Variants in PABPC4L observed in about 807,000 individuals in gnomAD.
PABPC4L encodes poly(A) binding protein cytoplasmic 4 like.
For missense variants in PABPC4L, 452 were observed against 451.4 expected, an observed-to-expected ratio of 1.00 and a Z score of -0.01; for synonymous variants, 169 against 164.1, an observed-to-expected ratio of 1.03 and a Z score of -0.23.
chr4:134,054,011 A>G, the PABPC4L span, among the ~76,000 whole-genome samples: 1 of 151,770 alleles, frequency 6.6e-6, no homozygotes, highest in East Asian at 1.9e-4. Context: ...AAAAAAATAC[A>G]CTAATTCCTT....
chr4:134,030,243 G>T, the PABPC4L span, among the ~76,000 whole-genome samples: 1 of 152,028 alleles, frequency 6.6e-6, no homozygotes, highest in East Asian at 1.9e-4. Context: ...TGGGTAACAG[G>T]CAGAGGCTGG....
At chr4:134,095,479 G>A in the PABPC4L span, among the ~76,000 whole-genome samples, 1 of 151,860 alleles carries the variant, frequency 6.6e-6, no homozygotes, top group Non-Finnish European at 1.5e-5. Context: ...ATAAATTAGT[G>A]ATATTCAGAA....
the PABPC4L span, among the ~76,000 whole-genome samples, chr4:133,959,009 C>A: frequency 7.8e-4 from 119 of 152,320 alleles, no homozygotes; most frequent in Non-Finnish European, 1.3e-3. Flanking sequence ...CTTCATCAAA[C>A]TTTGTGTAAA....
the PABPC4L span, among the ~76,000 whole-genome samples, chr4:134,020,271 C>T: frequency 5.9e-5 from 9 of 151,970 alleles, no homozygotes; most frequent in Non-Finnish European, 8.8e-5. Flanking sequence ...GGAATGGCGT[C>T]CACCCTAGGT....
At chr4:134,051,428 C>T in the PABPC4L span, among the ~76,000 whole-genome samples, 6 of 152,058 alleles carry the variant, frequency 3.9e-5, no homozygotes, top group Non-Finnish European at 5.9e-5. Flanking sequence ...GATTTTAACT[C>T]CAAGTCAGAG....
the PABPC4L span, among the ~76,000 whole-genome samples, chr4:134,066,736 G>A: frequency 6.6e-6 from 1 of 151,922 alleles, no homozygotes; most frequent in African/African-American, 2.4e-5. Context: ...TTTTTTGAAG[G>A]CTTTTAACAT....
the PABPC4L span, among the ~76,000 whole-genome samples, chr4:134,123,572 T>G: frequency 6.6e-6 from 1 of 151,978 alleles, no homozygotes; most frequent in African/African-American, 2.4e-5. Flanking sequence ...AATTTACAAA[T>G]ATTGAATCCA....
At chr4:134,108,329 T>C in the PABPC4L span, among the ~76,000 whole-genome samples, 1 of 151,872 alleles carries the variant, frequency 6.6e-6, no homozygotes, top group Non-Finnish European at 1.5e-5. Flanking sequence ...TATTGAGTCA[T>C]GTTTTAAGAA....
At chr4:134,130,794 C>G in the PABPC4L span, among the ~76,000 whole-genome samples, 120 of 152,138 alleles carry the variant, frequency 7.9e-4, no homozygotes, top group African/African-American at 2.5e-3. Context: ...CTGAATCCAA[C>G]AGCATATCAA....
chr4:134,201,811 T>C (rs1018844839), upstream of PABPC4L: 1 of 152,242 alleles, frequency 6.6e-6, no homozygotes, highest in Non-Finnish European at 1.5e-5. Flanking sequence ...TTTTTAATAT[T>C]TTTTTTAAGA....
chr4:134,054,252 GTATATATA>G, the PABPC4L span, among the ~76,000 whole-genome samples: 13,709 of 93,772 alleles, frequency 0.15, 977 homozygotes, highest in African/African-American at 0.25. Context: ...AGTTGTATAT[GTATATATA>G]TATATATATA....
chr4:134,021,116 T>C, the PABPC4L span, among the ~76,000 whole-genome samples: 1 of 152,142 alleles, frequency 6.6e-6, no homozygotes, highest in African/African-American at 2.4e-5. Context: ...AGTTTCAACA[T>C]TCTTTCCCAC....
the PABPC4L span, among the ~76,000 whole-genome samples, chr4:134,045,127 A>G: frequency 6.6e-6 from 1 of 152,210 alleles, no homozygotes; most frequent in Non-Finnish European, 1.5e-5. Flanking sequence ...TTTATACTTT[A>G]CTAACATTAT....
chr4:134,095,765 C>G, the PABPC4L span, among the ~76,000 whole-genome samples: 2 of 151,906 alleles, frequency 1.3e-5, no homozygotes, highest in Non-Finnish European at 2.9e-5. Flanking sequence ...ACTTTAGTAC[C>G]TATACACATT....
the PABPC4L span, among the ~76,000 whole-genome samples, chr4:134,156,755 A>C: frequency 7.9e-5 from 12 of 151,870 alleles, no homozygotes; most frequent in Non-Finnish European, 1.5e-4. Flanking sequence ...TTGTGTTACA[A>C]ATTGTTATCC....
chr4:133,984,028 T>C, the PABPC4L span, among the ~76,000 whole-genome samples: 4 of 151,860 alleles, frequency 2.6e-5, no homozygotes, highest in African/African-American at 9.7e-5. Flanking sequence ...CTGAAAGCTC[T>C]GATCCACTGA....
chr4:134,190,241 G>A, the PABPC4L span, among the ~76,000 whole-genome samples: 1 of 152,008 alleles, frequency 6.6e-6, no homozygotes. Flanking sequence ...TGGATATAGT[G>A]GTTTGTCCTG....
chr4:133,965,629 A>C, the PABPC4L span, among the ~76,000 whole-genome samples: 1 of 152,170 alleles, frequency 6.6e-6, no homozygotes, highest in Admixed American at 6.5e-5. Context: ...ACATAGACCA[A>C]TGGAACAGAA....
the PABPC4L span, among the ~76,000 whole-genome samples, chr4:134,040,184 T>C: frequency 1.3e-5 from 2 of 149,932 alleles, no homozygotes; most frequent in East Asian, 3.9e-4. Flanking sequence ...CAAACTACTA[T>C]TGATTTTCAT....
Sources: gnomAD v4.1 joint callset for allele counts (sites outside exome capture counted in the v4.1 genomes callset) on GRCh38, gnomAD v4.1.1 for gene constraint, MANE v1.5 for transcripts, NCBI Gene and HGNC (gene_info 2026-07-23, HGNC 2026-07-21) for gene names.